Variants in SSH1 observed in about 807,000 individuals in gnomAD.
The protein encoded by SSH1 is slingshot protein phosphatase 1.
In SSH1, 43 loss-of-function variants were observed where a neutral mutation model predicts 79.7. The observed-to-expected ratio is 0.54, with a 90% CI of 0.42 to 0.70. The LOEUF (loss-of-function observed/expected upper bound fraction) is 0.70. SSH1 is among the 30% of genes least tolerant of loss of function. SSH1 has a pLI of 0.00. For synonymous variants in SSH1, 599 were observed against 538.3 expected (o/e 1.11, Z -1.56); for missense variants, 1,206 against 1,358.8 (o/e 0.89, Z 1.77).
chr12:108,830,983 C>A (rs2038458272), intron 2 of SSH1, among the ~76,000 whole-genome samples: 1 of 151,912 alleles, frequency 6.6e-6, no homozygotes, highest in Admixed American at 6.6e-5. Context: ...GTGGACAAAG[C>A]ATTCTGGTGA....
chr12:108,821,492 C>T (rs2137179525), intron 3 of SSH1, among the ~76,000 whole-genome samples: 1 of 151,706 alleles, frequency 6.6e-6, no homozygotes, highest in Middle Eastern at 3.4e-3. Context: ...GATAGTTACC[C>T]ATATATATAT....
intron 5 of SSH1, among the ~76,000 whole-genome samples, chr12:108,815,565 C>T (rs914742267): frequency 9.2e-5 from 14 of 152,228 alleles, no homozygotes; most frequent in African/African-American, 2.9e-4. Flanking sequence ...CACTAAACAC[C>T]GCTATGCCTC....
At position 108,807,527 on chromosome 12, in the gene SSH1, G is replaced by A; in HGVS notation, c.731+106C>T. On this transcript the variant is annotated intron_variant, in intron 8 of 14. Coordinates refer to ENST00000326495, the MANE Select transcript of SSH1 (RefSeq NM_018984.4). The surrounding 1 kb of genome is among the most constrained non-coding windows in gnomAD (Gnocchi z 5.2). ...TAGGGTTCTCACTCAAGGGACTCCA[G>A]GGGAGGTGTGGCCCAATGCAGGTTC... 9.3e-7 allele frequency: 1 copy of A among 1,080,828 alleles called. No homozygotes were observed. Among genetic ancestry groups the A allele is most frequent in the Non-Finnish European group, 1.4e-6 (1 of 716,368 alleles). The allele number at this position is 1,080,828 out of a possible 1,614,324, so 67.0% of individuals were successfully genotyped here.
At chr12:108,821,327 G>A (rs538774368) in intron 3 of SSH1, among the ~76,000 whole-genome samples, 31 of 152,000 alleles carry the variant, frequency 2.0e-4, no homozygotes, top group African/African-American at 6.5e-4. Context: ...CCAGGAGGTC[G>A]AGGCTGCAGT....
At chr12:108,856,946 CCAGA>C (rs1284659388) in intron 1 of SSH1, among the ~76,000 whole-genome samples, 5 of 152,240 alleles carry the variant, frequency 3.3e-5, no homozygotes, top group African/African-American at 1.2e-4. Context: ...ACAGTCCTCC[CCAGA>C]CAGAGGTCAA....
chr12:108,792,339 T>C lies in SSH1; in HGVS notation c.1840A>G (p.Asn614Asp), dbSNP rs1234315153. The change falls in exon 14 of 15, where the codon AAC becomes GAC. Residue 614 changes from asparagine (N) to aspartate (D), a missense_variant. By Grantham distance (23) the Asn-to-Asp change is conservative. Coordinates refer to ENST00000326495, the MANE Select transcript of SSH1 (RefSeq NM_018984.4). ...LPTQLDQNLL[N>D]SENLNNNSKR... ...CTGTTGTTGTTTAGGTTCTCCGAGTTGAGCAGGTTTTGATCGAGCTGGGTT... is the reference window on the plus strand; with the variant it reads ...CTGTTGTTGTTTAGGTTCTCCGAGTCGAGCAGGTTTTGATCGAGCTGGGTT... 6.2e-7 allele frequency: 1 copy of C among 1,614,202 alleles called. No individual in the cohort carries two copies. Among genetic ancestry groups the C allele is most frequent in the Non-Finnish European group, 8.5e-7 (1 of 1,180,022 alleles).
In SSH1 at chr12:108,788,622, G is replaced by A; in HGVS notation, c.2516C>T (p.Pro839Leu). Residue 839 changes from proline (P) to leucine (L), a missense_variant, in exon 15 of 15, where the codon CCA becomes CTA. Coordinates refer to ENST00000326495, the MANE Select transcript of SSH1 (RefSeq NM_018984.4). ...LERLKSVPAD[P>L]APPSRDGPAS... ...AGGGCCATCCCTGGAGGGAGGTGCT[G>A]GGTCTGCAGGCACGCTCTTCAGCCG... 1.9e-6 allele frequency: 3 copies of A among 1,611,122 alleles called. No individual in the cohort carries two copies. Among genetic ancestry groups the A allele is most frequent in the Non-Finnish European group, 2.5e-6 (3 of 1,177,582 alleles).
In SSH1 at chr12:108,807,899, G is replaced by C; in HGVS notation, c.537-72C>G. Reference sequence around the variant, plus strand: ...TGCAGGGTTTTCTCCTCTGACAAAGGGGTTCAAATACGGGAAGGGAAGGGC... The same window carrying C: ...TGCAGGGTTTTCTCCTCTGACAAAGCGGTTCAAATACGGGAAGGGAAGGGC... On this transcript the variant is annotated intron_variant, in intron 7 of 14. Transcript: ENST00000326495. This position sits in a 1 kb window ranked among gnomAD's most constrained non-coding sequence, Gnocchi z 5.2. The C allele has an allele frequency of 7.1e-7, 1 of 1,405,988 alleles. No individual in the cohort carries two copies. Among genetic ancestry groups the C allele is most frequent in the Non-Finnish European group, 1.0e-6 (1 of 999,014 alleles). The allele number at this position is 1,405,988 out of a possible 1,614,324, so 87.1% of individuals were successfully genotyped here. A position where few individuals can be genotyped will look rare whatever the true frequency, so the allele number is the denominator to read the frequency against.
chr12:108,811,160 G>A (rs2037569561), intron 6 of SSH1, 100 bp downstream of exon 6: 1 of 1,076,514 alleles, frequency 9.3e-7, no homozygotes, highest in Non-Finnish European at 1.4e-6. Flanking sequence ...CGCCACACGT[G>A]TCATTCAGTG....
chr12:108,835,600 A>G (rs2038583192), intron 2 of SSH1, among the ~76,000 whole-genome samples: 2 of 152,054 alleles, frequency 1.3e-5, no homozygotes, highest in Non-Finnish European at 1.5e-5. Flanking sequence ...TACCTCTGGA[A>G]AACAGTCTCA....
chr12:108,805,689 T>C (rs1171943063), intron 9 of SSH1, among the ~76,000 whole-genome samples: 5 of 125,436 alleles, frequency 4.0e-5, no homozygotes, highest in African/African-American at 1.5e-4. Context: ...GAAGACCAAG[T>C]CTCTTAAAAA....
In SSH1 at chr12:108,821,299, C is replaced by G. The variant is rs952052906; in HGVS notation, c.214+1959G>C. 3.3e-5 allele frequency among the ~76,000 whole-genome samples: 5 copies of G among 151,982 alleles called. No individual in the cohort carries two copies. In the East Asian group the frequency reaches 9.7e-4, roughly 29 times the overall value. On this transcript the variant is annotated intron_variant, in intron 3 of 14. Coordinates refer to ENST00000326495, the MANE Select transcript of SSH1 (RefSeq NM_018984.4). ...GTCCCAGCTACTCAGGAAGCTAAGG[C>G]TGGACAATCACTTGAGCCCAGGAGG...
At chr12:108,823,804 A>T (rs1358414328) in intron 2 of SSH1, among the ~76,000 whole-genome samples, 1 of 152,162 alleles carries the variant, frequency 6.6e-6, no homozygotes, top group Non-Finnish European at 1.5e-5. Context: ...AGAAGCTGAG[A>T]TTACAGGCAT....
intron 1 of SSH1, among the ~76,000 whole-genome samples, chr12:108,854,130 C>A (rs890461274): frequency 2.6e-5 from 4 of 152,154 alleles, no homozygotes; most frequent in African/African-American, 9.7e-5. Context: ...GTTCTCAATG[C>A]GGAGCAAGTT....
intron 4 of SSH1, chr12:108,817,512 T>C: frequency 2.9e-6 from 1 of 349,482 alleles, no homozygotes; most frequent in Admixed American, 3.9e-5. Flanking sequence ...GAAGCGGAGG[T>C]TGCAGTGAGC....
chr12:108,831,465 C>T (rs1053718851), intron 2 of SSH1, among the ~76,000 whole-genome samples: 1 of 152,142 alleles, frequency 6.6e-6, no homozygotes. Flanking sequence ...GTGAAACAGA[C>T]CCGGTTTCCA....
intron 2 of SSH1, among the ~76,000 whole-genome samples, chr12:108,852,235 ATTC>A (rs2039054683): frequency 6.8e-6 from 1 of 147,752 alleles, no homozygotes; most frequent in Non-Finnish European, 1.5e-5. Flanking sequence ...AAATTGGCAT[ATTC>A]TTTTTTTTTT....
intron 4 of SSH1, among the ~76,000 whole-genome samples, chr12:108,817,654 G>A (rs1174152780): frequency 6.6e-6 from 1 of 152,182 alleles, no homozygotes; most frequent in African/African-American, 2.4e-5. Context: ...TGTAGCACCA[G>A]GGACGCCGCC....
chr12:108,835,647 A>G (rs1198101805), intron 2 of SSH1, among the ~76,000 whole-genome samples: 1 of 64,640 alleles, frequency 1.5e-5, no homozygotes, highest in Admixed American at 1.8e-4. Context: ...TTCAGACCTA[A>G]AAACCATTTG....
Sources: allele counts gnomAD v4.1 joint callset (sites outside exome capture counted in the v4.1 genomes callset), GRCh38; gene constraint gnomAD v4.1.1; non-coding constraint Gnocchi (gnomAD v3.1); transcripts MANE v1.5; gene names NCBI Gene and HGNC (gene_info 2026-07-23, HGNC 2026-07-21).